TMEM132E: variants seen among roughly 807,000 people sequenced by gnomAD.
The protein encoded by TMEM132E is transmembrane protein 132E.
A neutral mutation model predicts 78.5 loss-of-function variants in TMEM132E; 49 were observed. The ratio of observed to expected loss-of-function variants is 0.62; its 90% CI spans 0.50 to 0.79. The LOEUF (loss-of-function observed/expected upper bound fraction) is 0.79, where lower values mean the gene tolerates loss of function less well. Among genes scored for constraint, TMEM132E ranks in the 30% least tolerant of loss-of-function variants. TMEM132E has a pLI of 0.00. For missense variants in TMEM132E, 1,403 were observed against 1,470.9 expected (o/e 0.95, Z 0.75); for synonymous variants, 715 against 670.6 (o/e 1.07, Z -1.02).
chr17:34,627,521 C>G (rs1907201084), intron 2 of TMEM132E, among the ~76,000 whole-genome samples: 1 of 82,476 alleles, frequency 1.2e-5, no homozygotes, highest in Admixed American at 1.5e-4. Flanking sequence ...GACATTTGCC[C>G]CAGTCCTAGA....
At chr17:34,602,564 G>C (rs1380365484) in intron 1 of TMEM132E, among the ~76,000 whole-genome samples, 1 of 152,228 alleles carries the variant, frequency 6.6e-6, no homozygotes, top group East Asian at 1.9e-4. Flanking sequence ...GGTGAGAGCA[G>C]GTGGGACATG....
At chr17:34,610,767 T>C (rs1171963229) in intron 1 of TMEM132E, among the ~76,000 whole-genome samples, 1 of 152,150 alleles carries the variant, frequency 6.6e-6, no homozygotes, top group Non-Finnish European at 1.5e-5. Flanking sequence ...CTCAAGAGAA[T>C]CATGCAAGTG....
intron 8 of TMEM132E, among the ~76,000 whole-genome samples, chr17:34,636,559 A>G (rs1162282485): frequency 6.6e-6 from 1 of 152,056 alleles, no homozygotes; most frequent in Non-Finnish European, 1.5e-5. Context: ...GTGACAGATG[A>G]GAGTCCTGGG....
chr17:34,590,986 G>A (rs944972837), intron 1 of TMEM132E, among the ~76,000 whole-genome samples: 3 of 152,160 alleles, frequency 2.0e-5, no homozygotes, highest in Non-Finnish European at 4.4e-5. Context: ...CTCACCGTTA[G>A]AACCAGAGGG....
intron 1 of TMEM132E, among the ~76,000 whole-genome samples, chr17:34,581,481 G>GCC (rs905309891): frequency 6.6e-6 from 1 of 150,934 alleles, no homozygotes; most frequent in Admixed American, 6.6e-5. Flanking sequence ...CGTCCAGGCC[G>GCC]CCCCCCGCCC....
chr17:34,594,709 C>T (rs1405704513), intron 1 of TMEM132E, among the ~76,000 whole-genome samples: 1 of 152,180 alleles, frequency 6.6e-6, no homozygotes, highest in Non-Finnish European at 1.5e-5. Context: ...CCTGCCTCAG[C>T]CTCCTGAGTA....
In TMEM132E at chr17:34,581,155, G is replaced by A. The variant is rs1372849133; in HGVS notation, c.67+12G>A. 6.6e-7 allele frequency: 1 copy of A among 1,506,268 alleles called. No individual in the cohort carries two copies. Among genetic ancestry groups the A allele is most frequent in the Non-Finnish European group, 8.8e-7 (1 of 1,131,996 alleles). The allele number at this position is 1,506,268 out of a possible 1,614,324, so 93.3% of individuals were successfully genotyped here. On this transcript the variant is annotated intron_variant, in intron 1 of 8. Transcript: ENST00000631683. ...GCTACTCGCCCACGGTAAGTGTCGCGGCGCGGACTGGGGGTGAGGATGCGG... is the reference window on the plus strand; with the variant it reads ...GCTACTCGCCCACGGTAAGTGTCGCAGCGCGGACTGGGGGTGAGGATGCGG...
chr17:34,614,163 C>T (rs1365597962), intron 1 of TMEM132E, among the ~76,000 whole-genome samples: 2 of 152,124 alleles, frequency 1.3e-5, no homozygotes, highest in Admixed American at 6.5e-5. Flanking sequence ...ACCAGGCAGC[C>T]GGGTGGTAGG....
intron 7 of TMEM132E, 131 bp downstream of exon 7, chr17:34,635,218 A>T: frequency 9.2e-7 from 1 of 1,088,750 alleles, no homozygotes; most frequent in South Asian, 1.7e-5. Context: ...CCTTGTCTGA[A>T]ATTCCAAGGT....
intron 1 of TMEM132E, among the ~76,000 whole-genome samples, chr17:34,595,646 T>C (rs1906031710): frequency 6.6e-6 from 1 of 152,200 alleles, no homozygotes; most frequent in African/African-American, 2.4e-5. Context: ...GTTTTAAAGA[T>C]GGGAAAACCA....
At chr17:34,593,008 CACTT>C (rs1478290238) in intron 1 of TMEM132E, among the ~76,000 whole-genome samples, 1 of 152,194 alleles carries the variant, frequency 6.6e-6, no homozygotes, top group Non-Finnish European at 1.5e-5. Flanking sequence ...CCACGTATCT[CACTT>C]AATCTTGTCT....
In TMEM132E at chr17:34,580,994, A is replaced by T; in HGVS notation, c.-83A>T. 8.2e-7 allele frequency: 1 copy of T among 1,216,712 alleles called. No homozygotes were observed. The highest frequency in any genetic ancestry group is 1.1e-6 in the Non-Finnish European group (1 of 888,454). 75.4% of individuals were successfully genotyped at this position (1,216,712 alleles called of 1,614,324 possible). A position where few individuals can be genotyped will look rare whatever the true frequency, so the allele number is the denominator to read the frequency against. On this transcript the variant is annotated 5_prime_UTR_variant, in exon 1 of 9. Coordinates refer to ENST00000631683, the MANE Select transcript of TMEM132E (RefSeq NM_001304438.2). The stretch of plus-strand genomic sequence containing the variant: ...ACAGCCGGGCGCCACGGCAGCCCTG[A>T]GTTGGATGTGACCAAGCCCAGCCTG...
rs766676060 is a variant in TMEM132E, at chr17:34,628,672, G to T, written c.1108G>T (p.Asp370Tyr). The change falls in exon 3 of 9, where the codon GAT becomes TAT. Residue 370 changes from aspartate to tyrosine, a missense_variant. This residue lies in a region of TMEM132E where 888 missense variants were observed against 952.8 expected (regional missense o/e 0.93). Transcript: ENST00000631683. ...GGCAAAGCACTCAACAGCCACCGTG[G>T]ATGTGGCCTGGGCTCAGAGCACACC... The part of the protein sequence containing the change: ...TGAKHSTATV[D>Y]VAWAQSTPLP... 1.2e-6 allele frequency: 2 copies of T among 1,612,498 alleles called. No homozygotes were observed. The highest frequency in any genetic ancestry group is 8.5e-7 in the Non-Finnish European group (1 of 1,179,314).
intron 1 of TMEM132E, among the ~76,000 whole-genome samples, chr17:34,609,604 G>A (rs1055990635): frequency 2.0e-5 from 3 of 152,174 alleles, no homozygotes; most frequent in Non-Finnish European, 4.4e-5. Context: ...TGGTATGTGT[G>A]GATGTGGAGG....
intron 1 of TMEM132E, among the ~76,000 whole-genome samples, chr17:34,621,379 T>A (rs1906955593): frequency 6.6e-6 from 1 of 152,150 alleles, no homozygotes; most frequent in South Asian, 2.1e-4. Flanking sequence ...TGCATCCTCA[T>A]CTCTTCTTCT....
intron 1 of TMEM132E, among the ~76,000 whole-genome samples, chr17:34,598,270 G>A (rs1029742): frequency 0.31 from 46,306 of 151,636 alleles, 7,487 homozygotes; most frequent in Admixed American, 0.45. Context: ...CACTTCCACT[G>A]TGCCATGGGG....
intron 1 of TMEM132E, among the ~76,000 whole-genome samples, chr17:34,618,839 G>A (rs907546022): frequency 6.6e-6 from 1 of 152,186 alleles, no homozygotes; most frequent in African/African-American, 2.4e-5. Context: ...TTCCCCATTT[G>A]CCTAGGGGGA....
intron 1 of TMEM132E, among the ~76,000 whole-genome samples, chr17:34,590,644 CAG>C (rs1429071704): frequency 6.6e-6 from 1 of 152,086 alleles, no homozygotes; most frequent in East Asian, 1.9e-4. Flanking sequence ...AGCGAACTCT[CAG>C]AGTCTTGGTG....
intron 4 of TMEM132E, 93 bp from the exon 5 acceptor site, chr17:34,629,915 G>GT (rs1555564596): frequency 3.0e-5 from 37 of 1,226,716 alleles, no homozygotes; most frequent in Non-Finnish European, 3.8e-5. Context: ...TCTGAGGAGT[G>GT]GGGGGGGAGC....
Sources: gnomAD v4.1 joint callset for allele counts (sites outside exome capture counted in the v4.1 genomes callset) on GRCh38, gnomAD v4.1.1 for gene constraint, gnomAD v4.1.1 regional missense constraint, MANE v1.5 for transcripts, NCBI Gene and HGNC (gene_info 2026-07-23, HGNC 2026-07-21) for gene names.